MYO3B: variants seen among roughly 807,000 people sequenced by gnomAD.
MYO3B encodes the protein myosin-IIIb.
Under a neutral mutation model 174.6 loss-of-function variants are expected in MYO3B, and 156 were observed. That is an observed-to-expected ratio of 0.89 (90% confidence interval 0.78 to 1.02). The LOEUF (loss-of-function observed/expected upper bound fraction) is 1.02, where lower values mean the gene tolerates loss of function less well. MYO3B is among the 50% of genes least tolerant of loss of function. MYO3B has a pLI of 0.00. For synonymous variants in MYO3B, 563 were observed against 569.1 expected (o/e 0.99, Z 0.15); for missense variants, 1,632 against 1,639.4 (o/e 1.00, Z 0.08).
intron 32 of MYO3B, among the ~76,000 whole-genome samples, chr2:170,570,877 T>C (rs1285317475): frequency 2.0e-5 from 3 of 152,196 alleles, no homozygotes; most frequent in Non-Finnish European, 4.4e-5. Flanking sequence ...TCTTTGAGCC[T>C]CTTGCTCTCA....
chr2:170,631,797 G>A (rs1052335102), intron 32 of MYO3B, among the ~76,000 whole-genome samples: 1 of 152,166 alleles, frequency 6.6e-6, no homozygotes, highest in African/African-American at 2.4e-5. Flanking sequence ...TAAAGGGATG[G>A]AGGAAGATCT....
intron 1 of MYO3B, 34 bp from the exon 2 acceptor site, chr2:170,199,174 T>A: frequency 6.9e-7 from 1 of 1,450,994 alleles, no homozygotes; most frequent in Non-Finnish European, 9.3e-7. Flanking sequence ...AGTTCTGTGA[T>A]CTGTTGCACA....
intron 22 of MYO3B, among the ~76,000 whole-genome samples, chr2:170,433,210 G>A (rs1008011058): frequency 5.9e-5 from 9 of 151,932 alleles, no homozygotes; most frequent in Admixed American, 5.2e-4. Context: ...CATGCTATAC[G>A]GGTTTTTAGC....
At chr2:170,384,061 G>GAT in intron 12 of MYO3B, 1 of 405,736 alleles carries the variant, frequency 2.5e-6, no homozygotes, top group Non-Finnish European at 4.5e-6. Context: ...TCTCTGATAA[G>GAT]ATATAATAAA....
chr2:170,407,628 G>A, intron 21 of MYO3B, 87 bp from the exon 22 acceptor site: 1 of 1,371,996 alleles, frequency 7.3e-7, no homozygotes, highest in Non-Finnish European at 1.0e-6. Flanking sequence ...TATAGAGGTT[G>A]ATTAACAACT....
At chr2:170,384,041 G>A (rs1480721042) in intron 12 of MYO3B, 15 of 434,396 alleles carry the variant, frequency 3.5e-5, no homozygotes, top group African/African-American at 2.2e-4. Context: ...CACATGAGGT[G>A]CGCTCATTTT....
At chr2:170,336,996 G>A (rs1208013766) in intron 8 of MYO3B, among the ~76,000 whole-genome samples, 1 of 151,390 alleles carries the variant, frequency 6.6e-6, no homozygotes, top group African/African-American at 2.4e-5. Flanking sequence ...AGGGGTGGAG[G>A]GTATCTCGTT....
intron 8 of MYO3B, chr2:170,348,041 A>T (rs2094030655): frequency 6.6e-6 from 1 of 152,214 alleles, no homozygotes; most frequent in Non-Finnish European, 1.5e-5. Flanking sequence ...AGTGGTTCAC[A>T]CGTAACACTT....
At position 170,539,655 on chromosome 2, in the gene MYO3B, G is replaced by A. The variant is rs143946922; in HGVS notation, c.3576-3251G>A. Among the ~76,000 whole-genome samples the A allele has an allele frequency of 1.7e-4, 26 of 151,442 alleles. No individual in the cohort carries two copies. The East Asian group carries it at 4.3e-3, about 25-fold the overall frequency. On this transcript the variant is annotated intron_variant, in intron 30 of 34. Coordinates refer to ENST00000408978, the MANE Select transcript of MYO3B (RefSeq NM_138995.5). ...TTTTTTTGAGATAGGGTCTCACTCC[G>A]GCTGTCCAGGCTGGAGTGCAGTGGT...
chr2:170,433,899 A>G (rs1048583087), intron 22 of MYO3B, among the ~76,000 whole-genome samples: 10 of 152,222 alleles, frequency 6.6e-5, no homozygotes, highest in African/African-American at 2.4e-4. Flanking sequence ...TGTTCTTTTC[A>G]TAAGACATTA....
intron 3 of MYO3B, among the ~76,000 whole-genome samples, chr2:170,209,250 G>T (rs1315237059): frequency 6.6e-6 from 1 of 152,178 alleles, no homozygotes; most frequent in Non-Finnish European, 1.5e-5. Flanking sequence ...CTCACAACTA[G>T]TTTCCAAATT....
rs796119899 is a variant in MYO3B at position 170,627,915 on chromosome 2, C to T, written c.3734-23713C>T. Among the ~76,000 whole-genome samples the T allele has an allele frequency of 7.2e-5, 11 of 152,266 alleles. No homozygotes were observed. The South Asian group carries it at 1.2e-3, about 17-fold the overall frequency. Reference sequence around the variant, plus strand: ...TGTCTGATCGTTTTTCTGGAGGTTTCGTCTCAGAGGGGTACCTCGCCATGT... The same window carrying T: ...TGTCTGATCGTTTTTCTGGAGGTTTTGTCTCAGAGGGGTACCTCGCCATGT... On this transcript the variant is annotated intron_variant, in intron 32 of 34. Coordinates refer to ENST00000408978, the MANE Select transcript of MYO3B (RefSeq NM_138995.5).
intron 7 of MYO3B, among the ~76,000 whole-genome samples, chr2:170,283,145 G>C (rs186315804): frequency 6.7e-4 from 102 of 152,206 alleles, no homozygotes; most frequent in African/African-American, 2.4e-3. Flanking sequence ...GAATGTGTGG[G>C]ACCCAGCGTG....
intron 7 of MYO3B, among the ~76,000 whole-genome samples, chr2:170,288,779 A>C (rs914419766): frequency 6.6e-6 from 1 of 152,204 alleles, no homozygotes. Flanking sequence ...GAAAGTGGGC[A>C]TCCTTGTCTT....
chr2:170,463,828 G>A (rs1242649780), intron 24 of MYO3B, among the ~76,000 whole-genome samples: 1 of 152,144 alleles, frequency 6.6e-6, no homozygotes, highest in African/African-American at 2.4e-5. Flanking sequence ...CCACTTGTCT[G>A]AGCCCTATTA....
At chr2:170,503,954 T>C (rs1286839514) in intron 28 of MYO3B, among the ~76,000 whole-genome samples, 1 of 152,236 alleles carries the variant, frequency 6.6e-6, no homozygotes, top group Non-Finnish European at 1.5e-5. Flanking sequence ...AGTTTACTTT[T>C]ACTTGGGAAT....
chr2:170,357,419 C>A (rs1222343958), intron 8 of MYO3B, among the ~76,000 whole-genome samples: 1 of 148,396 alleles, frequency 6.7e-6, no homozygotes, highest in Non-Finnish European at 1.5e-5. Context: ...TAACTGACTA[C>A]ATTTTATCTT....
chr2:170,470,345 A>T (rs755173720), intron 25 of MYO3B, among the ~76,000 whole-genome samples: 6 of 152,252 alleles, frequency 3.9e-5, no homozygotes, highest in Non-Finnish European at 7.3e-5. Context: ...TGTAAATGGA[A>T]TCATACAACG....
intron 7 of MYO3B, among the ~76,000 whole-genome samples, chr2:170,302,462 C>G (rs924382417): frequency 3.3e-5 from 5 of 152,170 alleles, no homozygotes; most frequent in African/African-American, 1.2e-4. Flanking sequence ...TTACTGTCCA[C>G]CTAGTGACAA....
Sources: gnomAD v4.1 joint callset for allele counts (sites outside exome capture counted in the v4.1 genomes callset) on GRCh38, gnomAD v4.1.1 for gene constraint, MANE v1.5 for transcripts, NCBI Gene and HGNC (gene_info 2026-07-23, HGNC 2026-07-21) for gene names.